The following ABCA13 variants were observed in gnomAD, a reference collection of about 807,000 sequenced individuals.
The protein encoded by ABCA13 is ATP-binding cassette sub-family A member 13.
ABCA13 carries 476 observed loss-of-function variants against 478.7 expected under a neutral mutation model. The ratio of observed to expected loss-of-function variants is 0.99; its 90% CI spans 0.92 to 1.07. The LOEUF is 1.07. ABCA13 is among the 50% of genes least tolerant of loss of function. The probability of loss-of-function intolerance (pLI) is 0.00; values close to 1 mark genes in which losing one functional copy is unlikely to be tolerated. For synonymous variants in ABCA13, 2,252 were observed against 2,158.9 expected (o/e 1.04, Z -1.20); for missense variants, 6,060 against 5,910.6 (o/e 1.03, Z -0.83).
chr7:48,172,254 T>C (rs992930231), intron 1 of ABCA13, among the ~76,000 whole-genome samples: 1 of 152,208 alleles, frequency 6.6e-6, no homozygotes, highest in Admixed American at 6.5e-5. Context: ...TCAGGAGAAG[T>C]AGATGTGCAG....
At chr7:48,259,407 G>A (rs577248148) in intron 15 of ABCA13, among the ~76,000 whole-genome samples, 3 of 151,950 alleles carry the variant, frequency 2.0e-5, no homozygotes, top group Non-Finnish European at 4.4e-5. Flanking sequence ...TTTGTCTAAA[G>A]CAAACTATAG....
chr7:48,429,953 T>C (rs763509809), intron 42 of ABCA13, among the ~76,000 whole-genome samples: 1 of 152,228 alleles, frequency 6.6e-6, no homozygotes, highest in Non-Finnish European at 1.5e-5. Context: ...TAGTATTTTG[T>C]GGAGCATTTT....
chr7:48,540,968 C>A (rs1461951264), intron 55 of ABCA13, among the ~76,000 whole-genome samples: 1 of 151,894 alleles, frequency 6.6e-6, no homozygotes. Context: ...AGACTAGGTC[C>A]CAGAGGAAGT....
chr7:48,217,531 A>G (rs1182319482), intron 3 of ABCA13, among the ~76,000 whole-genome samples: 1 of 152,082 alleles, frequency 6.6e-6, no homozygotes, highest in African/African-American at 2.4e-5. Flanking sequence ...GGTAGGTAAT[A>G]TTTTGATCTT....
chr7:48,224,379 C>T (rs918815526), intron 5 of ABCA13, among the ~76,000 whole-genome samples: 1 of 152,126 alleles, frequency 6.6e-6, no homozygotes, highest in Non-Finnish European at 1.5e-5. Flanking sequence ...GAAGGTTGGT[C>T]CAACTTCCCC....
At position 48,301,707 on chromosome 7, in the gene ABCA13, A is replaced by G. The variant is rs1348679065; in HGVS notation, c.9321+3220A>G. Among the ~76,000 whole-genome samples, 6 of 152,204 alleles carry G rather than the reference A, an allele frequency of 3.9e-5. No individual in the cohort carries two copies. In the East Asian group the frequency reaches 1.2e-3, roughly 29 times the overall value. ...GCTTGTCTGGCTCTGTCACCACATCAGGAGATTGGGGTTTGTGGTCCTTGT... is the reference window on the plus strand; with the variant it reads ...GCTTGTCTGGCTCTGTCACCACATCGGGAGATTGGGGTTTGTGGTCCTTGT... On this transcript the variant is annotated intron_variant, in intron 23 of 61. Transcript: ENST00000435803.
intron 55 of ABCA13, among the ~76,000 whole-genome samples, chr7:48,560,993 T>C (rs886350165): frequency 6.6e-6 from 1 of 152,214 alleles, no homozygotes; most frequent in Non-Finnish European, 1.5e-5. Flanking sequence ...CATAACATAA[T>C]GTTCTCTAAT....
rs533990139 is a variant in ABCA13 at position 48,608,205 on chromosome 7, T to C, written c.14745-7080T>C. Among the ~76,000 whole-genome samples the C allele has an allele frequency of 4.6e-5, 7 of 152,334 alleles. No homozygotes were observed. The East Asian group carries it at 1.4e-3, about 29-fold the overall frequency. ...CAGTTTGTTTTTTAAGACTGGCTCATAGGAGTCACTCTGTTTATGCATAGG... is the reference window on the plus strand; with the variant it reads ...CAGTTTGTTTTTTAAGACTGGCTCACAGGAGTCACTCTGTTTATGCATAGG... On this transcript the variant is annotated intron_variant, in intron 58 of 61. Coordinates refer to ENST00000435803, the MANE Select transcript of ABCA13 (RefSeq NM_152701.5).
chr7:48,480,722 T>G (rs1828667744), intron 45 of ABCA13, among the ~76,000 whole-genome samples: 1 of 152,274 alleles, frequency 6.6e-6, no homozygotes, highest in Non-Finnish European at 1.5e-5. Flanking sequence ...TTCAGGTTCG[T>G]CAAATGCAAG....
intron 15 of ABCA13, among the ~76,000 whole-genome samples, chr7:48,256,658 A>G (rs1005022402): frequency 4.0e-5 from 6 of 151,508 alleles, no homozygotes; most frequent in Non-Finnish European, 3.0e-5. Context: ...TTCCGTTGGT[A>G]TATGTGTTTT....
intron 23 of ABCA13, among the ~76,000 whole-genome samples, chr7:48,309,260 G>A (rs747297341): frequency 9.9e-5 from 15 of 151,976 alleles, no homozygotes; most frequent in Non-Finnish European, 2.1e-4. Flanking sequence ...TACCCATCAG[G>A]AGCAAAAACA....
intron 18 of ABCA13, among the ~76,000 whole-genome samples, 158 bp downstream of exon 18, chr7:48,280,078 C>T (rs1294710634): frequency 1.3e-5 from 2 of 152,172 alleles, no homozygotes; most frequent in East Asian, 1.9e-4. Context: ...AATTCAGGTC[C>T]AGTCATTCTT....
chr7:48,332,682 A>G (rs1318154078), intron 27 of ABCA13, among the ~76,000 whole-genome samples: 2 of 152,096 alleles, frequency 1.3e-5, no homozygotes, highest in South Asian at 2.1e-4. Context: ...TCTTTATTTT[A>G]TCTTCATTCC....
intron 58 of ABCA13, among the ~76,000 whole-genome samples, chr7:48,612,929 G>A (rs904783949): frequency 7.9e-5 from 12 of 151,378 alleles, no homozygotes; most frequent in Non-Finnish European, 1.5e-4. Context: ...AAAACCCCTC[G>A]TTTTTCTCTA....
intron 47 of ABCA13, among the ~76,000 whole-genome samples, chr7:48,485,066 T>G (rs1449820354): frequency 1.3e-5 from 2 of 152,362 alleles, no homozygotes; most frequent in East Asian, 1.9e-4. Context: ...GTGTGACCTT[T>G]ATGAGTTCTA....
intron 10 of ABCA13, among the ~76,000 whole-genome samples, chr7:48,242,492 C>A (rs1294055692): frequency 1.3e-5 from 2 of 152,088 alleles, no homozygotes; most frequent in African/African-American, 4.8e-5. Context: ...GGCTGAAGTG[C>A]AATGGCGCGA....
At chr7:48,521,635 T>A (rs1407607080) in intron 53 of ABCA13, among the ~76,000 whole-genome samples, 1 of 152,068 alleles carries the variant, frequency 6.6e-6, no homozygotes, top group African/African-American at 2.4e-5. Context: ...TAATGTAGGA[T>A]CCCCCTTGGC....
chr7:48,570,630 T>C (rs1787546504), intron 55 of ABCA13, among the ~76,000 whole-genome samples: 1 of 152,008 alleles, frequency 6.6e-6, no homozygotes, highest in African/African-American at 2.4e-5. Context: ...GCTGCATCCT[T>C]TTACTTTCAA....
At chr7:48,398,570 T>C (rs971389001) in intron 38 of ABCA13, among the ~76,000 whole-genome samples, 5 of 152,340 alleles carry the variant, frequency 3.3e-5, no homozygotes, top group Middle Eastern at 3.4e-3. Flanking sequence ...CTAGAATCTT[T>C]AGAGTAAACA....
Sources: allele counts gnomAD v4.1 joint callset (sites outside exome capture counted in the v4.1 genomes callset), GRCh38; gene constraint gnomAD v4.1.1; transcripts MANE v1.5; gene names NCBI Gene and HGNC (gene_info 2026-07-23, HGNC 2026-07-21).